Variants in MIR2052HG observed in about 807,000 individuals in gnomAD.
MIR2052HG encodes the protein MIR2052 host gene.
chr8:74,738,670 C>T (rs1233854507), intron 4 of MIR2052HG, among the ~76,000 whole-genome samples: 3 of 152,046 alleles, frequency 2.0e-5, no homozygotes, highest in Admixed American at 2.0e-4. Flanking sequence ...CAGTTTTTTT[C>T]TTTGTATACA....
At chr8:74,722,238 ATAG>A (rs1586923548) in intron 4 of MIR2052HG, among the ~76,000 whole-genome samples, 1 of 152,216 alleles carries the variant, frequency 6.6e-6, no homozygotes, top group African/African-American at 2.4e-5. Flanking sequence ...GGAAGAATAG[ATAG>A]TAGGAGAAAT....
intron 1 of MIR2052HG, among the ~76,000 whole-genome samples, chr8:74,605,445 A>G (rs1406065865): frequency 1.3e-5 from 2 of 152,224 alleles, no homozygotes; most frequent in African/African-American, 2.4e-5. Context: ...TTTAGAAGGG[A>G]AATGGAAATA....
chr8:74,601,702 TG>T (rs1808003585), intron 1 of MIR2052HG, among the ~76,000 whole-genome samples: 1 of 152,256 alleles, frequency 6.6e-6, no homozygotes, highest in South Asian at 2.1e-4. Flanking sequence ...TACTATTTTT[TG>T]TATCCCTTAG....
intron 4 of MIR2052HG, among the ~76,000 whole-genome samples, chr8:74,740,864 A>G (rs1416353899): frequency 6.6e-6 from 1 of 151,884 alleles, no homozygotes; most frequent in Non-Finnish European, 1.5e-5. Context: ...TCCATTTATT[A>G]TTACAAAAAC....
intron 2 of MIR2052HG, among the ~76,000 whole-genome samples, chr8:74,627,947 G>A (rs1808457790): frequency 6.6e-6 from 1 of 152,168 alleles, no homozygotes; most frequent in Admixed American, 6.5e-5. Context: ...TAGCCTGGCT[G>A]ACGGGCTGAG....
chr8:74,725,439 A>G (rs1319396532), intron 4 of MIR2052HG, among the ~76,000 whole-genome samples: 1 of 152,070 alleles, frequency 6.6e-6, no homozygotes, highest in Non-Finnish European at 1.5e-5. Flanking sequence ...TTGGTCCCAT[A>G]CTCTTTCCTT....
At chr8:74,653,126 G>A (rs1808770557) in intron 2 of MIR2052HG, among the ~76,000 whole-genome samples, 2 of 151,956 alleles carry the variant, frequency 1.3e-5, no homozygotes. Context: ...ATTAGAATTA[G>A]CAAGACATTT....
chr8:74,750,854 T>C (rs1033618763), intron 4 of MIR2052HG, among the ~76,000 whole-genome samples: 3 of 152,244 alleles, frequency 2.0e-5, no homozygotes, highest in South Asian at 2.1e-4. Context: ...CTGGTCTTAG[T>C]ATCAAAGATT....
intron 1 of MIR2052HG, chr8:74,612,522 GGA>G (rs1563512173): frequency 5.3e-6 from 1 of 187,580 alleles, no homozygotes; most frequent in Non-Finnish European, 1.1e-5. Flanking sequence ...CCTTCTGCTT[GGA>G]CAGAGGTCAT....
chr8:74,608,858 A>G (rs180861714), intron 1 of MIR2052HG, among the ~76,000 whole-genome samples: 6 of 152,214 alleles, frequency 3.9e-5, no homozygotes, highest in Non-Finnish European at 5.9e-5. Context: ...AAAGGTCTCA[A>G]GTCAGTAATC....
chr8:74,726,086 G>A (rs757893527), intron 4 of MIR2052HG, among the ~76,000 whole-genome samples: 12 of 152,080 alleles, frequency 7.9e-5, no homozygotes, highest in East Asian at 1.9e-4. Flanking sequence ...TCAGCTACTC[G>A]GGAGGCTGAG....
chr8:74,717,368 G>C (rs112962994), intron 4 of MIR2052HG, among the ~76,000 whole-genome samples: 3,169 of 152,142 alleles, frequency 0.021, 92 homozygotes, highest in African/African-American at 0.07. Flanking sequence ...AGTATTCCAT[G>C]GTATATATGT....
intron 4 of MIR2052HG, among the ~76,000 whole-genome samples, chr8:74,728,021 C>G (rs1809654516): frequency 6.6e-6 from 1 of 152,218 alleles, no homozygotes; most frequent in South Asian, 2.1e-4. Context: ...TACCTACATA[C>G]TCTCAATTAC....
intron 2 of MIR2052HG, among the ~76,000 whole-genome samples, chr8:74,650,179 C>A (rs1253777161): frequency 6.6e-6 from 1 of 152,090 alleles, no homozygotes; most frequent in Non-Finnish European, 1.5e-5. Context: ...TAACTACCAC[C>A]ACAATCAGGA....
chr8:74,650,404 G>A (rs1460235634), intron 2 of MIR2052HG, among the ~76,000 whole-genome samples: 1 of 152,136 alleles, frequency 6.6e-6, no homozygotes, highest in East Asian at 1.9e-4. Flanking sequence ...TATTCCAATA[G>A]TATAGATATA....
intron 4 of MIR2052HG, among the ~76,000 whole-genome samples, chr8:74,707,522 C>T (rs896662334): frequency 6.6e-6 from 1 of 152,044 alleles, no homozygotes; most frequent in Non-Finnish European, 1.5e-5. Context: ...CACAATGTTG[C>T]AACCAGTTTT....
intron 2 of MIR2052HG, among the ~76,000 whole-genome samples, chr8:74,614,457 ATTC>A (rs1440464314): frequency 2.0e-5 from 3 of 152,130 alleles, no homozygotes; most frequent in Non-Finnish European, 4.4e-5. Context: ...GTGCTTTTAA[ATTC>A]TCAACTTATT....
At chr8:74,675,009 G>A (rs552665156) in intron 2 of MIR2052HG, among the ~76,000 whole-genome samples, 16 of 151,912 alleles carry the variant, frequency 1.1e-4, no homozygotes, top group East Asian at 5.8e-4. Flanking sequence ...AATTTTCCAC[G>A]TATTATATCT....
chr8:74,634,567 G>A (rs761344792), intron 2 of MIR2052HG, among the ~76,000 whole-genome samples: 12 of 151,790 alleles, frequency 7.9e-5, no homozygotes, highest in Non-Finnish European at 1.3e-4. Flanking sequence ...AGCAATTATT[G>A]TAATATTTAC....
Sources: allele counts gnomAD v4.1 joint callset (sites outside exome capture counted in the v4.1 genomes callset), GRCh38; gene constraint gnomAD v4.1.1; transcripts MANE v1.5; gene names NCBI Gene and HGNC (gene_info 2026-07-23, HGNC 2026-07-21).